NLGN1: variants seen among roughly 807,000 people sequenced by gnomAD.
NLGN1 encodes the protein neuroligin-1.
NLGN1 carries 12 observed loss-of-function variants against 65.5 expected under a neutral mutation model. The observed-to-expected ratio is 0.18, with a 90% CI of 0.12 to 0.30. The LOEUF (loss-of-function observed/expected upper bound fraction) is 0.30, where lower values mean the gene tolerates loss of function less well. Ranked by LOEUF, NLGN1 falls within the 10% of genes least tolerant of loss-of-function variation. The pLI, the probability that NLGN1 is intolerant of heterozygous loss-of-function variation, is 1.00. For missense variants in NLGN1, 750 were observed against 1,007.1 expected (o/e 0.74, Z 3.46); for synonymous variants, 350 against 359.5 (o/e 0.97, Z 0.30).
At chr3:173,448,964 T>G (rs1720937030) in intron 2 of NLGN1, among the ~76,000 whole-genome samples, 1 of 152,216 alleles carries the variant, frequency 6.6e-6, no homozygotes. Flanking sequence ...TTCTTCTTTA[T>G]TAGTCTTGCC....
At chr3:173,832,688 G>A (rs761348659) in intron 4 of NLGN1, among the ~76,000 whole-genome samples, 4 of 152,154 alleles carry the variant, frequency 2.6e-5, no homozygotes, top group African/African-American at 7.2e-5. Context: ...TCTATCTCAC[G>A]TTAAAAACAC....
At chr3:173,466,347 T>C (rs1340988312) in intron 2 of NLGN1, among the ~76,000 whole-genome samples, 8 of 152,198 alleles carry the variant, frequency 5.3e-5, no homozygotes, top group African/African-American at 1.9e-4. Flanking sequence ...TAATCTGGCT[T>C]ACTGGGAAAA....
intron 2 of NLGN1, among the ~76,000 whole-genome samples, chr3:173,441,379 A>G (rs1432634873): frequency 1.3e-5 from 2 of 152,126 alleles, no homozygotes; most frequent in African/African-American, 2.4e-5. Context: ...CTTTTGGCCT[A>G]TTTTGGTTTT....
chr3:173,587,638 AT>A, intron 2 of NLGN1, among the ~76,000 whole-genome samples: 1 of 152,150 alleles, frequency 6.6e-6, no homozygotes, highest in Admixed American at 6.5e-5. Flanking sequence ...TGAGTTGTGA[AT>A]TTTCTATCAG....
intron 3 of NLGN1, among the ~76,000 whole-genome samples, chr3:173,680,961 A>G (rs1340352671): frequency 1.3e-5 from 2 of 152,130 alleles, no homozygotes; most frequent in Non-Finnish European, 2.9e-5. Context: ...CATTTTTTTT[A>G]AAACCCTATA....
chr3:174,037,655 G>A (rs1731431999), intron 4 of NLGN1, among the ~76,000 whole-genome samples: 2 of 152,200 alleles, frequency 1.3e-5, no homozygotes, highest in African/African-American at 4.8e-5. Flanking sequence ...AAGGCTGATA[G>A]TTAAGGACAG....
chr3:173,452,342 G>A (rs956557454), intron 2 of NLGN1, among the ~76,000 whole-genome samples: 4 of 151,962 alleles, frequency 2.6e-5, no homozygotes, highest in South Asian at 2.1e-4. Context: ...CCGCCACCAC[G>A]TCCGGCTAAT....
intron 4 of NLGN1, among the ~76,000 whole-genome samples, chr3:173,836,075 C>A (rs2150634826): frequency 6.6e-6 from 1 of 152,216 alleles, no homozygotes; most frequent in African/African-American, 2.4e-5. Context: ...AACTTGCAGC[C>A]AGGTAACTTC....
intron 4 of NLGN1, among the ~76,000 whole-genome samples, chr3:174,179,922 GA>G (rs1479195268): frequency 6.6e-6 from 1 of 152,098 alleles, no homozygotes; most frequent in East Asian, 1.9e-4. Context: ...TTTGATCTGT[GA>G]TCCTAGTTAA....
intron 4 of NLGN1, among the ~76,000 whole-genome samples, chr3:174,255,974 T>C (rs1450623956): frequency 6.6e-6 from 1 of 152,062 alleles, no homozygotes; most frequent in African/African-American, 2.4e-5. Context: ...CAACAGAAAA[T>C]TTTTATTAAA....
At chr3:173,670,926 G>A (rs1305221331) in intron 3 of NLGN1, among the ~76,000 whole-genome samples, 1 of 152,162 alleles carries the variant, frequency 6.6e-6, no homozygotes, top group African/African-American at 2.4e-5. Context: ...AGCATTAAAT[G>A]TACTCAAATA....
chr3:174,014,513 C>T (rs1438668462), intron 4 of NLGN1, among the ~76,000 whole-genome samples: 5 of 152,194 alleles, frequency 3.3e-5, no homozygotes, highest in African/African-American at 4.8e-5. Flanking sequence ...TCAATGGCTA[C>T]ATGTGCCACA....
At chr3:173,539,256 A>G (rs760605853) in intron 2 of NLGN1, among the ~76,000 whole-genome samples, 1 of 151,700 alleles carries the variant, frequency 6.6e-6, no homozygotes. Context: ...CCATTAGGCC[A>G]TAGGTGCTGG....
chr3:173,856,662 G>A (rs1728028102), intron 4 of NLGN1, among the ~76,000 whole-genome samples: 1 of 152,088 alleles, frequency 6.6e-6, no homozygotes, highest in African/African-American at 2.4e-5. Context: ...CGGAAAGGTT[G>A]ATGATCTTTC....
intron 4 of NLGN1, among the ~76,000 whole-genome samples, chr3:174,072,381 A>G (rs777441097): frequency 3.9e-5 from 6 of 152,172 alleles, no homozygotes; most frequent in Non-Finnish European, 8.8e-5. Flanking sequence ...GACTAGAGAA[A>G]GCCAACAGAG....
chr3:173,611,055 G>T lies in NLGN1; in HGVS notation c.493+5964G>T, dbSNP rs139087547. Reference sequence around the variant, plus strand: ...CAGATTTTGAATTAAAGGAAGGAACGTGGGTAGAAAAATTAGTATGTTGCT... The same window carrying T: ...CAGATTTTGAATTAAAGGAAGGAACTTGGGTAGAAAAATTAGTATGTTGCT... On this transcript the variant is annotated intron_variant, in intron 3 of 6. Transcript: ENST00000457714. 3.7e-3 allele frequency among the ~76,000 whole-genome samples: 561 copies of T among 152,092 alleles called. 5 individuals are homozygous for T. The highest frequency in any genetic ancestry group is 0.013 in the African/African-American group (522 of 41,526).
intron 2 of NLGN1, among the ~76,000 whole-genome samples, chr3:173,544,258 A>ATG (rs1553880827): frequency 7.0e-5 from 4 of 57,202 alleles, no homozygotes; most frequent in South Asian, 1.4e-3. Context: ...AGATTATATT[A>ATG]CGTGTGTGTG....
At chr3:173,990,783 T>C (rs1021433685) in intron 4 of NLGN1, among the ~76,000 whole-genome samples, 7 of 152,192 alleles carry the variant, frequency 4.6e-5, no homozygotes, top group Non-Finnish European at 8.8e-5. Context: ...TTTATCCTAA[T>C]GAAAGATATT....
At chr3:174,206,174 A>AAAATGCAGC (rs1735361818) in intron 4 of NLGN1, among the ~76,000 whole-genome samples, 1 of 152,244 alleles carries the variant, frequency 6.6e-6, no homozygotes, top group Admixed American at 6.5e-5. Context: ...TTAGATCAAG[A>AAAATGCAGC]AAATGCAGCA....
Sources: gnomAD v4.1 joint callset for allele counts (sites outside exome capture counted in the v4.1 genomes callset) on GRCh38, gnomAD v4.1.1 for gene constraint, MANE v1.5 for transcripts, NCBI Gene and HGNC (gene_info 2026-07-23, HGNC 2026-07-21) for gene names.